ATP2B2: variants seen among roughly 807,000 people sequenced by gnomAD.
The protein encoded by ATP2B2 is ATPase plasma membrane Ca2+ transporting 2, also known as plasma membrane calcium-transporting ATPase 2.
ATP2B2 carries 15 observed loss-of-function variants against 120.0 expected under a neutral mutation model. The observed-to-expected ratio is 0.12, with a 90% confidence interval of 0.08 to 0.19. The LOEUF (loss-of-function observed/expected upper bound fraction) is 0.19, where lower values mean the gene tolerates loss of function less well. ATP2B2 is among the 10% of genes least tolerant of loss of function. The probability of loss-of-function intolerance (pLI) is 1.00; values close to 1 mark genes in which losing one functional copy is unlikely to be tolerated. For missense variants in ATP2B2, 1,045 were observed against 1,719.8 expected (o/e 0.61, Z 6.94); for synonymous variants, 694 against 700.3 (o/e 0.99, Z 0.14).
chr3:10,654,063 C>G (rs1026479728), intron 1 of ATP2B2, among the ~76,000 whole-genome samples: 1 of 152,170 alleles, frequency 6.6e-6, no homozygotes, highest in African/African-American at 2.4e-5. Flanking sequence ...GTTAGGCATT[C>G]TGTACTCATT....
intron 1 of ATP2B2, among the ~76,000 whole-genome samples, chr3:10,491,988 T>A (rs898383242): frequency 2.6e-5 from 4 of 152,216 alleles, no homozygotes; most frequent in East Asian, 3.8e-4. Context: ...GTATCGACAG[T>A]GTGGTTACAT....
chr3:10,482,853 G>C (rs536339870), intron 1 of ATP2B2, among the ~76,000 whole-genome samples: 2 of 152,372 alleles, frequency 1.3e-5, no homozygotes, highest in Admixed American at 6.5e-5. Flanking sequence ...TCCCAGCCCT[G>C]TTGAACATGC....
chr3:10,459,094 T>G (rs367762188), intron 1 of ATP2B2, among the ~76,000 whole-genome samples: 1 of 152,250 alleles, frequency 6.6e-6, no homozygotes, highest in Non-Finnish European at 1.5e-5. Flanking sequence ...CAAGTCGTGC[T>G]TGGCTGGAGG....
intron 14 of ATP2B2, among the ~76,000 whole-genome samples, chr3:10,356,099 A>G: frequency 4.9e-5 from 1 of 20,352 alleles, no homozygotes; most frequent in African/African-American, 2.2e-4. Flanking sequence ...AAAAAAAAAA[A>G]AAAAAAAAAA....
At chr3:10,546,351 CA>C (rs771634961) in intron 2 of ATP2B2, among the ~76,000 whole-genome samples, 1 of 152,194 alleles carries the variant, frequency 6.6e-6, no homozygotes, top group Non-Finnish European at 1.5e-5. Context: ...GCCTCCCCTA[CA>C]AATGATGCCT....
At chr3:10,642,152 G>A (rs1199730140) in intron 1 of ATP2B2, among the ~76,000 whole-genome samples, 2 of 152,288 alleles carry the variant, frequency 1.3e-5, no homozygotes, top group Middle Eastern at 3.4e-3. Flanking sequence ...ATCTGGCTTT[G>A]TCACTTCCAG....
At chr3:10,372,295 A>C (rs2061267068) in intron 11 of ATP2B2, among the ~76,000 whole-genome samples, 1 of 152,126 alleles carries the variant, frequency 6.6e-6, no homozygotes, top group Admixed American at 6.5e-5. Context: ...CAGTTAATTG[A>C]ATTTATTAAT....
At chr3:10,508,050 C>G (rs2066682217), upstream of ATP2B2, among the ~76,000 whole-genome samples, 1 of 152,154 alleles carries the variant, frequency 6.6e-6, no homozygotes, top group Non-Finnish European at 1.5e-5. Context: ...CCAACGCACA[C>G]TAGCAGCCAA....
chr3:10,348,223 C>G (rs1021087410), intron 16 of ATP2B2, among the ~76,000 whole-genome samples: 1 of 152,114 alleles, frequency 6.6e-6, no homozygotes, highest in African/African-American at 2.4e-5. Flanking sequence ...CCATGACATG[C>G]AAACCACCAC....
At chr3:10,598,222 A>G (rs771267373) in intron 2 of ATP2B2, among the ~76,000 whole-genome samples, 6 of 152,156 alleles carry the variant, frequency 3.9e-5, no homozygotes, top group Non-Finnish European at 8.8e-5. Flanking sequence ...GGGGTATGTG[A>G]AGAACGTGGT....
chr3:10,445,105 G>A (rs140446228), intron 2 of ATP2B2, among the ~76,000 whole-genome samples: 3 of 152,180 alleles, frequency 2.0e-5, no homozygotes, highest in African/African-American at 4.8e-5. Context: ...CAAGGGGATG[G>A]GGCCCATGCA....
intron 14 of ATP2B2, among the ~76,000 whole-genome samples, chr3:10,355,791 C>CTTTGTGCGTGTGTGTGT: frequency 4.3e-5 from 4 of 92,518 alleles, no homozygotes; most frequent in Non-Finnish European, 6.6e-5. Context: ...TTGTCCTTTC[C>CTTTGTGCGTGTGTGTGT]GGCCGGGCGC....
intron 2 of ATP2B2, among the ~76,000 whole-genome samples, chr3:10,589,774 A>G (rs2068598523): frequency 6.6e-6 from 1 of 152,226 alleles, no homozygotes; most frequent in African/African-American, 2.4e-5. Flanking sequence ...AAACACTGCC[A>G]ACAATCCCAA....
chr3:10,343,586 C>G lies in ATP2B2; in HGVS notation c.2704-621G>C, dbSNP rs1371638966. Among the ~76,000 whole-genome samples the G allele has an allele frequency of 1.3e-5, 2 of 152,026 alleles. No individual in the cohort carries two copies. The highest frequency in any genetic ancestry group is 2.9e-5 in the Non-Finnish European group (2 of 68,004). On this transcript the variant is annotated intron_variant, in intron 18 of 22. Coordinates refer to ENST00000360273, the MANE Select transcript of ATP2B2 (RefSeq NM_001001331.4). This position sits in a 1 kb window ranked among gnomAD's most constrained non-coding sequence, Gnocchi z 4.2. The stretch of plus-strand genomic sequence containing the variant: ...CCACTGTCCAGGTTCTGGGAGGGAC[C>G]CTTTCAGACCTGTCTCTTTGGCTGA...
intron 1 of ATP2B2, among the ~76,000 whole-genome samples, chr3:10,488,702 C>T (rs766344011): frequency 5.9e-5 from 9 of 152,150 alleles, no homozygotes; most frequent in Non-Finnish European, 1.3e-4. Flanking sequence ...CCTGTCTGCT[C>T]TACCTCTGAA....
At chr3:10,515,790 G>A (rs576430940) in intron 3 of ATP2B2, among the ~76,000 whole-genome samples, 3 of 152,320 alleles carry the variant, frequency 2.0e-5, no homozygotes, top group African/African-American at 7.2e-5. Context: ...CTTTGGAGTT[G>A]TGTCCTGAGA....
rs73131238 is a variant in ATP2B2, at chr3:10,381,627, C to T, written c.1001-2343G>A. Among the ~76,000 whole-genome samples the T allele has an allele frequency of 3.0e-3, 459 of 152,306 alleles. 4 individuals carry two copies. The highest frequency in any genetic ancestry group is 0.01 in the African/African-American group (435 of 41,552). On this transcript the variant is annotated intron_variant, in intron 8 of 22. Coordinates refer to ENST00000360273, the MANE Select transcript of ATP2B2 (RefSeq NM_001001331.4). Reference sequence around the variant, plus strand: ...AGGGACTTATTTGGGGCTCTCCTGGCCAAACTGGTGCTCGCCTGGCCCTGA... The same window carrying T: ...AGGGACTTATTTGGGGCTCTCCTGGTCAAACTGGTGCTCGCCTGGCCCTGA...
upstream of ATP2B2, among the ~76,000 whole-genome samples, chr3:10,506,560 C>T (rs1317227780): frequency 1.3e-5 from 2 of 152,180 alleles, no homozygotes; most frequent in Non-Finnish European, 2.9e-5. Flanking sequence ...GGGAGGAGAG[C>T]CCTAAGAGCA....
chr3:10,384,868 C>G (rs1159420498), intron 8 of ATP2B2, among the ~76,000 whole-genome samples: 1 of 152,222 alleles, frequency 6.6e-6, no homozygotes, highest in African/African-American at 2.4e-5. Flanking sequence ...TGCTGGGGAC[C>G]CAGATGCCAG....
Sources: allele counts gnomAD v4.1 joint callset (sites outside exome capture counted in the v4.1 genomes callset), GRCh38; gene constraint gnomAD v4.1.1; non-coding constraint Gnocchi (gnomAD v3.1); transcripts MANE v1.5; gene names NCBI Gene and HGNC (gene_info 2026-07-23, HGNC 2026-07-21).